The following BBS9 variants were observed in gnomAD, a reference collection of about 807,000 sequenced individuals.
BBS9 encodes protein PTHB1.
A neutral mutation model predicts 117.7 loss-of-function variants in BBS9; 89 were observed. The observed-to-expected ratio is 0.76, with a 90% confidence interval of 0.64 to 0.90. The LOEUF (loss-of-function observed/expected upper bound fraction) is 0.90. Among genes scored for constraint, BBS9 ranks in the 40% least tolerant of loss-of-function variants. BBS9 has a pLI of 0.00. For synonymous variants in BBS9, 379 were observed against 370.9 expected (o/e 1.02, Z -0.25); for missense variants, 982 against 1,042.2 (o/e 0.94, Z 0.80).
chr7:33,334,176 GTATCTAAATTGTTGCCATTTGC>G (rs1461325822), intron 9 of BBS9, among the ~76,000 whole-genome samples: 2 of 152,152 alleles, frequency 1.3e-5, no homozygotes, highest in African/African-American at 2.4e-5. Context: ...TAAATGGCTT[GTATCTAAATTGTTGCCATTTGC>G]TATCTAAATT....
rs189751438 is a variant in BBS9, at chr7:33,293,502, A to T, written c.1016+19546A>T. On this transcript the variant is annotated intron_variant, in intron 9 of 22. Transcript: ENST00000242067. Reference sequence around the variant, plus strand: ...AACACATTCATACTGTATAATGCAGACTTGTATTGTTTCTATTGAAATATT... The same window carrying T: ...AACACATTCATACTGTATAATGCAGTCTTGTATTGTTTCTATTGAAATATT... Among the ~76,000 whole-genome samples, 49 of 152,236 alleles carry T rather than the reference A, an allele frequency of 3.2e-4. No homozygotes were observed. In the East Asian group the frequency reaches 8.9e-3, roughly 28 times the overall value.
chr7:33,182,908 GA>G (rs1389927285), intron 5 of BBS9, among the ~76,000 whole-genome samples: 1 of 152,106 alleles, frequency 6.6e-6, no homozygotes, highest in Non-Finnish European at 1.5e-5. Flanking sequence ...CCAAAAAAGG[GA>G]TGGGTAGCAG....
Position 33,332,100 on chromosome 7 carries a change from C to T in BBS9, c.1017-4341C>T, listed in dbSNP as rs147992215. On this transcript the variant is annotated intron_variant, in intron 9 of 22. Coordinates refer to ENST00000242067, the MANE Select transcript of BBS9 (RefSeq NM_198428.3). Reference sequence around the variant, plus strand: ...AAACAGCATGGTAGTGGTATAAAAACGGGCACATAGACCAATGGAACAGGA... The same window carrying T: ...AAACAGCATGGTAGTGGTATAAAAATGGGCACATAGACCAATGGAACAGGA... Among the ~76,000 whole-genome samples, 82 of 151,168 alleles carry T rather than the reference C, an allele frequency of 5.4e-4. 1 individual carries two copies. The highest frequency in any genetic ancestry group is 1.8e-3 in the African/African-American group (76 of 41,482).
intron 9 of BBS9, among the ~76,000 whole-genome samples, chr7:33,296,602 G>GA (rs1308899192): frequency 6.6e-6 from 1 of 152,124 alleles, no homozygotes; most frequent in Admixed American, 6.6e-5. Flanking sequence ...GCTAGCCAGG[G>GA]AAAACACTTG....
At chr7:33,409,915 C>T (rs1040932013) in intron 19 of BBS9, among the ~76,000 whole-genome samples, 10 of 151,952 alleles carry the variant, frequency 6.6e-5, no homozygotes, top group African/African-American at 2.4e-4. Flanking sequence ...CTATAGATAC[C>T]CTCTTGTCTT....
intron 5 of BBS9, among the ~76,000 whole-genome samples, chr7:33,222,222 C>T (rs117107726): frequency 0.025 from 3,817 of 152,216 alleles, 63 homozygotes; most frequent in Middle Eastern, 0.051. Context: ...ATGTTATATG[C>T]GGTTATACCT....
intron 21 of BBS9, among the ~76,000 whole-genome samples, chr7:33,620,676 A>G (rs1371168726): frequency 6.6e-6 from 1 of 152,168 alleles, no homozygotes; most frequent in Non-Finnish European, 1.5e-5. Flanking sequence ...AAAGTGGTCT[A>G]TAGATTCAAT....
intron 21 of BBS9, among the ~76,000 whole-genome samples, chr7:33,623,853 AT>A (rs1453738190): frequency 2.0e-5 from 3 of 152,326 alleles, no homozygotes; most frequent in Admixed American, 6.5e-5. Context: ...TAAGGCAAAG[AT>A]TAACAAAATT....
chr7:33,360,158 T>C (rs1200320098), intron 16 of BBS9, among the ~76,000 whole-genome samples: 1 of 152,124 alleles, frequency 6.6e-6, no homozygotes, highest in African/African-American at 2.4e-5. Flanking sequence ...ATTTACGTTG[T>C]TTTTAGTTTA....
At chr7:33,223,259 C>A (rs188994642) in intron 5 of BBS9, among the ~76,000 whole-genome samples, 86 of 152,080 alleles carry the variant, frequency 5.7e-4, no homozygotes, top group African/African-American at 2.0e-3. Flanking sequence ...TTAATTCAAG[C>A]TAATTAACAT....
chr7:33,361,742 C>T (rs925341695), intron 16 of BBS9, among the ~76,000 whole-genome samples: 4 of 151,734 alleles, frequency 2.6e-5, no homozygotes, highest in African/African-American at 9.7e-5. Flanking sequence ...TAATTACTTT[C>T]TTCGTAGTTT....
chr7:33,129,383 T>G, upstream of BBS9: 1 of 378,682 alleles, frequency 2.6e-6, no homozygotes, highest in Non-Finnish European at 4.7e-6. Flanking sequence ...ATTATCACTC[T>G]CTGCTAATGA....
chr7:33,288,695 A>T (rs1803395114), intron 9 of BBS9, among the ~76,000 whole-genome samples: 1 of 152,180 alleles, frequency 6.6e-6, no homozygotes, highest in South Asian at 2.1e-4. Flanking sequence ...ATGTTTTATG[A>T]GCATACATTT....
At chr7:33,411,681 T>G (rs1038060954) in intron 19 of BBS9, among the ~76,000 whole-genome samples, 10 of 152,270 alleles carry the variant, frequency 6.6e-5, no homozygotes, top group African/African-American at 9.6e-5. Context: ...TCTACAAATG[T>G]TCAATGTAAT....
intron 21 of BBS9, among the ~76,000 whole-genome samples, chr7:33,589,368 G>C (rs1244981343): frequency 1.3e-5 from 2 of 152,120 alleles, no homozygotes; most frequent in Non-Finnish European, 2.9e-5. Flanking sequence ...TTTAAAACTT[G>C]TGAATTATTT....
At chr7:33,476,631 A>G (rs1841840244) in intron 19 of BBS9, among the ~76,000 whole-genome samples, 1 of 152,106 alleles carries the variant, frequency 6.6e-6, no homozygotes, top group Admixed American at 6.6e-5. Context: ...TAATCTCTAA[A>G]TTAGCCCATC....
chr7:33,447,474 G>A (rs4723288), intron 19 of BBS9, among the ~76,000 whole-genome samples: 95,877 of 152,062 alleles, frequency 0.63, 30,917 homozygotes, highest in African/African-American at 0.76. Context: ...CTTTGAATAG[G>A]CTTTGAATAT....
In BBS9 at chr7:33,408,863, A is replaced by G. The variant is rs951916225; in HGVS notation, c.2115+20719A>G. ...GTTCCCTTTTCTCTGCAGTCTCACAAGTATCTGTTATTTTTTGACTTTTTA... is the reference window on the plus strand; with the variant it reads ...GTTCCCTTTTCTCTGCAGTCTCACAGGTATCTGTTATTTTTTGACTTTTTA... On this transcript the variant is annotated intron_variant, in intron 19 of 22. Coordinates refer to ENST00000242067, the MANE Select transcript of BBS9 (RefSeq NM_198428.3). 1.1e-4 allele frequency among the ~76,000 whole-genome samples: 16 copies of G among 152,292 alleles called. No homozygotes were observed. The East Asian group carries it at 2.9e-3, about 28-fold the overall frequency.
chr7:33,609,330 A>G (rs1333102873), downstream of BBS9, among the ~76,000 whole-genome samples: 1 of 152,130 alleles, frequency 6.6e-6, no homozygotes, highest in Non-Finnish European at 1.5e-5. Flanking sequence ...ATATTTTTCG[A>G]ATATGTTCAT....
Sources: gnomAD v4.1 joint callset for allele counts (sites outside exome capture counted in the v4.1 genomes callset) on GRCh38, gnomAD v4.1.1 for gene constraint, MANE v1.5 for transcripts, NCBI Gene and HGNC (gene_info 2026-07-23, HGNC 2026-07-21) for gene names.